RNF38: variants seen among roughly 807,000 people sequenced by gnomAD.
The protein encoded by RNF38 is E3 ubiquitin-protein ligase RNF38.
In RNF38, 15 loss-of-function variants were observed where a neutral mutation model predicts 67.2. The observed-to-expected ratio is 0.22, with a 90% CI of 0.15 to 0.34. The LOEUF (loss-of-function observed/expected upper bound fraction) is 0.34. RNF38 is among the 10% of genes least tolerant of loss of function. The probability of loss-of-function intolerance (pLI) is 1.00; values close to 1 mark genes in which losing one functional copy is unlikely to be tolerated. For synonymous variants in RNF38, 220 were observed against 218.8 expected (o/e 1.01, Z -0.05); for missense variants, 524 against 639.9 (o/e 0.82, Z 1.95).
rs867331048 is a variant in RNF38 at position 36,451,507 on chromosome 9, T to G, written n.242-26824A>C. ...ATTGTAGTAGTTTTTTTTTTTTTTT[T>G]TTTTTTTTTTGAGACGGAGTTTCGC... is the stretch of plus-strand genomic sequence containing the variant. On this transcript the variant is annotated intron_variant and non_coding_transcript_variant, in intron 1 of 3. Coordinates refer to the RNF38 transcript ENST00000488058. 6.9e-3 allele frequency among the ~76,000 whole-genome samples: 974 copies of G among 141,534 alleles called. 26 individuals are homozygous for G. The highest frequency in any genetic ancestry group is 0.024 in the African/African-American group (910 of 38,382). The allele number at this position is 141,534 out of a possible 152,430, so 92.9% of individuals were successfully genotyped here.
intron 4 of RNF38, 92 bp downstream of exon 4, chr9:36,369,627 A>G (rs1157497497): frequency 9.9e-7 from 1 of 1,007,520 alleles, no homozygotes; most frequent in Non-Finnish European, 1.5e-6. Flanking sequence ...GTAAAAACTA[A>G]AAGAAATTTG....
intron 1 of RNF38, among the ~76,000 whole-genome samples, chr9:36,435,305 C>T (rs1839037566): frequency 6.6e-6 from 1 of 152,076 alleles, no homozygotes; most frequent in Admixed American, 6.6e-5. Context: ...CTCTAAATTA[C>T]AGTGGTTATA....
intron 9 of RNF38, 76 bp downstream of exon 9, chr9:36,351,039 G>C (rs1272632780): frequency 3.8e-6 from 4 of 1,040,090 alleles, no homozygotes; most frequent in Non-Finnish European, 4.4e-6. Context: ...GGACACCTGT[G>C]GTTTAAAGAG....
At chr9:36,487,160 T>G in intron 1 of RNF38, 1 of 454,964 alleles carries the variant, frequency 2.2e-6, no homozygotes, top group Non-Finnish European at 2.9e-6. Context: ...GGCGCAGGGC[T>G]CGCAGGGGCT....
At chr9:36,376,238 C>CG (rs1198559742) in intron 2 of RNF38, 111 bp from the exon 3 acceptor site, 3 of 794,716 alleles carry the variant, frequency 3.8e-6, no homozygotes, top group South Asian at 2.5e-5. Context: ...AAATGTAAAG[C>CG]GGGGAAAAAA....
chr9:36,398,164 TAAAGC>T (rs1018271637), intron 1 of RNF38, among the ~76,000 whole-genome samples: 4 of 152,180 alleles, frequency 2.6e-5, no homozygotes, highest in African/African-American at 9.7e-5. Context: ...TCCTTACCCT[TAAAGC>T]AACTCAGTCT....
At chr9:36,397,741 T>TA (rs1242460555) in intron 1 of RNF38, among the ~76,000 whole-genome samples, 6 of 152,188 alleles carry the variant, frequency 3.9e-5, no homozygotes, top group African/African-American at 1.4e-4. Flanking sequence ...AATGCAGAAA[T>TA]AAAGGGTAGG....
At chr9:36,339,887 C>A in intron 11 of RNF38, 73 bp from the exon 12 acceptor site, 1 of 1,213,134 alleles carries the variant, frequency 8.2e-7, no homozygotes. Context: ...AATGGAACTA[C>A]TTTTACTTCC....
intron 10 of RNF38, among the ~76,000 whole-genome samples, chr9:36,343,642 T>C (rs1455464347): frequency 6.6e-6 from 1 of 152,114 alleles, no homozygotes; most frequent in Non-Finnish European, 1.5e-5. Flanking sequence ...TTTGGCATTA[T>C]TCAATCCCAA....
chr9:36,405,857 A>C (rs1838165710), upstream of RNF38, among the ~76,000 whole-genome samples: 1 of 152,260 alleles, frequency 6.6e-6, no homozygotes, highest in South Asian at 2.1e-4. Context: ...ACTAAACAAT[A>C]ATCATAAACA....
At chr9:36,401,596 G>T (rs1838036869), upstream of RNF38, among the ~76,000 whole-genome samples, 1 of 152,098 alleles carries the variant, frequency 6.6e-6, no homozygotes, top group South Asian at 2.1e-4. Flanking sequence ...CTTGGGGAGG[G>T]GAAATAAGAA....
chr9:36,483,987 G>A (rs1840340219), intron 1 of RNF38, among the ~76,000 whole-genome samples: 1 of 152,178 alleles, frequency 6.6e-6, no homozygotes, highest in African/African-American at 2.4e-5. Context: ...CCACAAAAGA[G>A]GTAAAGTATC....
At chr9:36,444,755 G>A (rs542030607) in intron 1 of RNF38, among the ~76,000 whole-genome samples, 9 of 152,108 alleles carry the variant, frequency 5.9e-5, no homozygotes, top group East Asian at 3.9e-4. Flanking sequence ...AGCTGAGATC[G>A]CACCACTGCA....
intron 2 of RNF38, among the ~76,000 whole-genome samples, chr9:36,423,955 A>G (rs1443697800): frequency 1.4e-5 from 2 of 143,584 alleles, no homozygotes; most frequent in South Asian, 4.3e-4. Context: ...TCTCAAAAAA[A>G]AAAAAAAAAA....
At chr9:36,399,065 ACAGT>A (rs1235223496) in intron 1 of RNF38, among the ~76,000 whole-genome samples, 1 of 152,238 alleles carries the variant, frequency 6.6e-6, no homozygotes, top group African/African-American at 2.4e-5. Flanking sequence ...TATGATGCTA[ACAGT>A]CAGTTATGTC....
At chr9:36,365,662 G>GTTTTTTTTTT (rs759974775) in intron 4 of RNF38, among the ~76,000 whole-genome samples, 5 of 103,598 alleles carry the variant, frequency 4.8e-5, no homozygotes, top group African/African-American at 7.7e-5. Flanking sequence ...AAGACTGATA[G>GTTTTTTTTTT]TTTTTTTTTT....
chr9:36,390,419 G>A, intron 2 of RNF38, 48 bp downstream of exon 2: 1 of 1,521,656 alleles, frequency 6.6e-7, no homozygotes, highest in African/African-American at 1.4e-5. Context: ...AAACACTGTA[G>A]AATGTGACTT....
chr9:36,429,751 G>A (rs967352983), intron 1 of RNF38, among the ~76,000 whole-genome samples: 2 of 152,140 alleles, frequency 1.3e-5, no homozygotes, highest in East Asian at 1.9e-4. Context: ...CTGAGATCAC[G>A]CCACTGCACT....
intron 2 of RNF38, among the ~76,000 whole-genome samples, chr9:36,407,228 G>C (rs540890502): frequency 6.6e-6 from 1 of 152,310 alleles, no homozygotes; most frequent in Admixed American, 6.5e-5. Flanking sequence ...GACCAGAAGA[G>C]GGCAGCAAAG....
Sources: gnomAD v4.1 joint callset for allele counts (sites outside exome capture counted in the v4.1 genomes callset) on GRCh38, gnomAD v4.1.1 for gene constraint, MANE v1.5 for transcripts, NCBI Gene and HGNC (gene_info 2026-07-23, HGNC 2026-07-21) for gene names.